Variants in BNC2 observed in about 807,000 individuals in gnomAD.
The protein encoded by BNC2 is zinc finger protein basonuclin-2.
A neutral mutation model predicts 76.3 loss-of-function variants in BNC2; 20 were observed. The observed-to-expected ratio is 0.26, with a 90% CI of 0.18 to 0.38. BNC2 has a LOEUF of 0.38. Among genes scored for constraint, BNC2 ranks in the 10% least tolerant of loss-of-function variants. The probability of loss-of-function intolerance (pLI) is 1.00; values close to 1 mark genes in which losing one functional copy is unlikely to be tolerated. For synonymous variants in BNC2, 582 were observed against 514.8 expected, an observed-to-expected ratio of 1.13 and a Z score of -1.77; for missense variants, 1,382 against 1,399.8, an observed-to-expected ratio of 0.99 and a Z score of 0.20.
chr9:16,555,832 C>A (rs1230735830), intron 4 of BNC2, among the ~76,000 whole-genome samples: 1 of 140,852 alleles, frequency 7.1e-6, no homozygotes, highest in South Asian at 2.3e-4. Flanking sequence ...CTGTTATAAA[C>A]CACATAAATA....
At chr9:16,519,065 G>A (rs1006312400) in intron 5 of BNC2, among the ~76,000 whole-genome samples, 1 of 152,202 alleles carries the variant, frequency 6.6e-6, no homozygotes, top group Admixed American at 6.5e-5. Flanking sequence ...AAGAGACAGA[G>A]GTAAGCACTG....
intron 1 of BNC2, among the ~76,000 whole-genome samples, chr9:16,789,188 G>A (rs1347345428): frequency 6.6e-6 from 1 of 152,064 alleles, no homozygotes; most frequent in Admixed American, 6.6e-5. Context: ...AACTATAGGG[G>A]CAGAAAACAT....
chr9:16,581,170 G>C (rs983451254), intron 4 of BNC2, among the ~76,000 whole-genome samples: 1 of 152,142 alleles, frequency 6.6e-6, no homozygotes, highest in Non-Finnish European at 1.5e-5. Flanking sequence ...TTGAATATAG[G>C]GTATTTAAAG....
At chr9:16,478,172 T>G (rs10810568) in intron 5 of BNC2, among the ~76,000 whole-genome samples, 20,500 of 152,202 alleles carry the variant, frequency 0.13, 1,572 homozygotes, top group East Asian at 0.29. Context: ...CTCTGAGATA[T>G]TAACAAAAGC....
chr9:16,791,805 T>C (rs974159604), intron 1 of BNC2, among the ~76,000 whole-genome samples: 1 of 152,080 alleles, frequency 6.6e-6, no homozygotes, highest in Non-Finnish European at 1.5e-5. Flanking sequence ...AAAGTACTTT[T>C]AAAAATTCAA....
intron 3 of BNC2, among the ~76,000 whole-genome samples, chr9:16,608,120 A>G (rs1013485766): frequency 6.6e-6 from 1 of 152,170 alleles, no homozygotes; most frequent in African/African-American, 2.4e-5. Flanking sequence ...GTGATTAACT[A>G]AATCTACCCT....
At chr9:16,443,824 T>C (rs2130950618) in intron 5 of BNC2, among the ~76,000 whole-genome samples, 1 of 152,306 alleles carries the variant, frequency 6.6e-6, no homozygotes, top group East Asian at 1.9e-4. Flanking sequence ...GGATTAGTAG[T>C]TGCCAGGGGA....
At chr9:16,783,772 A>G (rs1826211191) in intron 1 of BNC2, among the ~76,000 whole-genome samples, 1 of 152,204 alleles carries the variant, frequency 6.6e-6, no homozygotes. Context: ...ATTTTTTCTT[A>G]AGTAATTTCA....
At chr9:16,626,565 G>A (rs112504925) in intron 3 of BNC2, among the ~76,000 whole-genome samples, 22 of 152,188 alleles carry the variant, frequency 1.4e-4, no homozygotes, top group African/African-American at 5.3e-4. Context: ...AACAAAGACA[G>A]AGACCTGGTT....
At chr9:16,533,691 T>G (rs1041771836) in intron 5 of BNC2, among the ~76,000 whole-genome samples, 4 of 152,308 alleles carry the variant, frequency 2.6e-5, no homozygotes, top group African/African-American at 7.2e-5. Context: ...TTTATAAACT[T>G]AAAACAAACA....
chr9:16,463,023 T>C (rs1821618920), intron 5 of BNC2, among the ~76,000 whole-genome samples: 1 of 152,094 alleles, frequency 6.6e-6, no homozygotes, highest in Admixed American at 6.6e-5. Flanking sequence ...TTTCCTTCTT[T>C]CCTCACATTA....
rs111684438 is a variant in BNC2, at chr9:16,821,926, T to C, written c.3+48720A>G. ...GGCTAACACGGTGAAACCCTGTCTC[T>C]ACTAAAAATACAAAAAGTTAGCCAG... On this transcript the variant is annotated intron_variant, in intron 1 of 6. Coordinates refer to ENST00000380672, the MANE Select transcript of BNC2 (RefSeq NM_017637.6). 5.0e-3 allele frequency among the ~76,000 whole-genome samples: 766 copies of C among 151,902 alleles called. 7 individuals carry two copies. Among genetic ancestry groups the C allele is most frequent in the African/African-American group, 0.017 (704 of 41,418 alleles).
At chr9:16,582,151 C>T (rs1349015119) in intron 4 of BNC2, among the ~76,000 whole-genome samples, 1 of 152,132 alleles carries the variant, frequency 6.6e-6, no homozygotes, top group Admixed American at 6.5e-5. Context: ...GTCAAAAAAT[C>T]TCAAGCCAGG....
chr9:16,501,665 A>T (rs939631998), intron 5 of BNC2, among the ~76,000 whole-genome samples: 12 of 152,174 alleles, frequency 7.9e-5, no homozygotes, highest in Non-Finnish European at 1.6e-4. Context: ...ATACATAGAA[A>T]ATCTAAGAAG....
intron 3 of BNC2, among the ~76,000 whole-genome samples, chr9:16,672,326 T>C (rs994626250): frequency 6.6e-6 from 1 of 151,966 alleles, no homozygotes; most frequent in Non-Finnish European, 1.5e-5. Flanking sequence ...TGAAACCCCG[T>C]CTCTACTAAA....
At chr9:16,449,580 T>G (rs1458711708) in intron 5 of BNC2, among the ~76,000 whole-genome samples, 3 of 152,198 alleles carry the variant, frequency 2.0e-5, no homozygotes, top group Non-Finnish European at 2.9e-5. Flanking sequence ...TATGTTTATC[T>G]GCCATTGCCT....
chr9:16,499,329 A>G (rs1822468900), intron 5 of BNC2, among the ~76,000 whole-genome samples: 1 of 152,038 alleles, frequency 6.6e-6, no homozygotes, highest in Admixed American at 6.6e-5. Context: ...CTGATTCCAG[A>G]GCCTATGTTT....
intron 5 of BNC2, among the ~76,000 whole-genome samples, chr9:16,486,870 C>T (rs79924810): frequency 3.1e-3 from 465 of 152,200 alleles, no homozygotes; most frequent in African/African-American, 0.011. Flanking sequence ...GGACTACAGG[C>T]ACATGACACC....
At chr9:16,787,271 G>C (rs1035725782) in intron 1 of BNC2, among the ~76,000 whole-genome samples, 8 of 152,170 alleles carry the variant, frequency 5.3e-5, no homozygotes, top group African/African-American at 1.7e-4. Context: ...TCTTGAGTCA[G>C]TCATCTCAGA....
Sources: gnomAD v4.1 joint callset for allele counts (sites outside exome capture counted in the v4.1 genomes callset) on GRCh38, gnomAD v4.1.1 for gene constraint, MANE v1.5 for transcripts, NCBI Gene and HGNC (gene_info 2026-07-23, HGNC 2026-07-21) for gene names.